CNTN2: variants seen among roughly 807,000 people sequenced by gnomAD.
CNTN2 encodes contactin-2.
Under a neutral mutation model 117.5 loss-of-function variants are expected in CNTN2, and 53 were observed. The ratio of observed to expected loss-of-function variants is 0.45; its 90% CI spans 0.36 to 0.57. The LOEUF (loss-of-function observed/expected upper bound fraction) is 0.57. Ranked by LOEUF, CNTN2 falls within the 20% of genes least tolerant of loss-of-function variation. CNTN2 has a pLI of 0.00. For synonymous variants in CNTN2, 530 were observed against 561.7 expected, an observed-to-expected ratio of 0.94 and a Z score of 0.80; for missense variants, 1,106 against 1,404.3, an observed-to-expected ratio of 0.79 and a Z score of 3.39.
intron 2 of CNTN2, 76 bp from the exon 3 acceptor site, chr1:205,057,845 T>C: frequency 6.6e-7 from 1 of 1,522,536 alleles, no homozygotes; most frequent in Non-Finnish European, 8.9e-7. Context: ...AAAGTTTTAC[T>C]GGACAGCACA....
chr1:205,055,555 T>C (rs2096459659), intron 2 of CNTN2, among the ~76,000 whole-genome samples: 1 of 152,142 alleles, frequency 6.6e-6, no homozygotes, highest in Non-Finnish European at 1.5e-5. Context: ...CCCAGGGGCA[T>C]TTTCTAAGAC....
At position 205,064,378 on chromosome 1, in the gene CNTN2, G is replaced by C. The variant is rs571201763; in HGVS notation, c.1297G>C (p.Gly433Arg). The change falls in exon 11 of 23, where the codon GGG (glycine) becomes CGG (arginine). Residue 433 changes from glycine to arginine, a missense_variant. Physicochemically the swap from Gly to Arg is moderately radical, Grantham distance 125. Transcript: ENST00000331830. ...GAGGCGTCTGATCCCCGCGGCCCGC[G>C]GGGGAGAGATCCTTATCCCCTGCCA... ...PVRRLIPAARGGEILIPCQPR... is the reference protein window; with the variant it reads ...PVRRLIPAARRGEILIPCQPR... 4 of 1,609,600 alleles carry C rather than the reference G, an allele frequency of 2.5e-6. No homozygotes were observed. Among genetic ancestry groups the C allele is most frequent in the Middle Eastern group, 1.7e-4 (1 of 6,044 alleles).
chr1:205,052,104 G>A (rs944931708), intron 1 of CNTN2, among the ~76,000 whole-genome samples: 20 of 152,222 alleles, frequency 1.3e-4, no homozygotes, highest in African/African-American at 3.9e-4. Flanking sequence ...TTAAGTTTCC[G>A]CAAAGAGGGC....
At chr1:205,070,299 T>C in intron 18 of CNTN2, 127 bp from the exon 19 acceptor site, 1 of 724,416 alleles carries the variant, frequency 1.4e-6, no homozygotes. Flanking sequence ...CTTGGGGGGC[T>C]CCCACTCGGC....
chr1:205,056,775 G>A (rs1653655624), intron 2 of CNTN2, among the ~76,000 whole-genome samples: 1 of 152,132 alleles, frequency 6.6e-6, no homozygotes, highest in South Asian at 2.1e-4. Context: ...CCCCAGCCCT[G>A]TCGAAGGGCA....
In CNTN2 at chr1:205,072,587, G is replaced by A. The variant is rs1574663350; in HGVS notation, c.2836G>A (p.Gly946Ser). 29 of 1,609,510 alleles carry A rather than the reference G, an allele frequency of 1.8e-5. No homozygotes were observed. Among genetic ancestry groups the A allele is most frequent in the East Asian group, 6.7e-5 (3 of 44,866 alleles). Residue 946 changes from glycine (G) to serine (S), a missense_variant, in exon 21 of 23, where the codon GGC becomes AGC. By Grantham distance (56) the Gly-to-Ser change is moderately conservative. Transcript: ENST00000331830. ...VPFRNESAVT[G>S]YKMLYQNDLH... ...TTTCCGAAATGAGTCTGCAGTCACC[G>A]GCTATAAGGTGAGGAAGCAATCAGC... is the stretch of plus-strand genomic sequence containing the variant.
chr1:205,052,312 T>A (rs1277574415), intron 1 of CNTN2, among the ~76,000 whole-genome samples: 1 of 152,082 alleles, frequency 6.6e-6, no homozygotes, highest in Non-Finnish European at 1.5e-5. Flanking sequence ...CGCCCTCACC[T>A]CCCAAGAGAA....
chr1:205,060,871 G>A (rs762400137), intron 7 of CNTN2: 8 of 212,216 alleles, frequency 3.8e-5, no homozygotes, highest in East Asian at 1.1e-4. Flanking sequence ...TAGAGGCAAC[G>A]GAAAAGAGAA....
rs762136129 is a variant in CNTN2 at position 205,072,085 on chromosome 1, G to A, written c.2683G>A (p.Gly895Ser). Residue 895 changes from glycine to serine, a missense_variant, in exon 20 of 23, where the codon GGC becomes AGC. By Grantham distance (56) the Gly-to-Ser change is moderately conservative (BLOSUM62 0). Coordinates refer to ENST00000331830, the MANE Select transcript of CNTN2 (RefSeq NM_005076.5). ...HVTVRAYNRA[G>S]TGPASPSANA... Reference sequence around the variant, plus strand: ...GACCGTGAGGGCCTACAACCGGGCTGGCACTGGGCCTGCCAGCCCTTCTGC... The same window carrying A: ...GACCGTGAGGGCCTACAACCGGGCTAGCACTGGGCCTGCCAGCCCTTCTGC... 4.3e-5 allele frequency: 69 copies of A among 1,613,698 alleles called. No individual in the cohort carries two copies. Among genetic ancestry groups the A allele is most frequent in the Non-Finnish European group, 2.5e-6 (3 of 1,179,980 alleles).
chr1:205,062,338 G>A, intron 9 of CNTN2, 102 bp from the exon 10 acceptor site: 1 of 1,426,056 alleles, frequency 7.0e-7, no homozygotes, highest in East Asian at 2.3e-5. Flanking sequence ...ATCCTCTAGG[G>A]ATTATCAGCC....
rs1415906808 is a variant in CNTN2, at chr1:205,053,193, C to G, written c.8C>G (p.Thr3Arg). MG[T>R]ATRRKPHLLL... ...TCTGCCCGGACATCCACCATGGGGA[C>G]AGCCACCAGGAGGAAGCCACACCTG... The change falls in exon 2 of 23, where the codon ACA (threonine) becomes AGA (arginine). Residue 3 changes from threonine (T) to arginine (R), a missense_variant. Transcript: ENST00000331830. 6.2e-7 allele frequency: 1 copy of G among 1,612,448 alleles called. No homozygotes were observed. Among genetic ancestry groups the G allele is most frequent in the Non-Finnish European group, 8.5e-7 (1 of 1,179,294 alleles).
chr1:205,048,093 T>C lies in CNTN2; in HGVS notation c.-87+4699T>C, dbSNP rs2096444889. Among the ~76,000 whole-genome samples the C allele has an allele frequency of 1.3e-5, 2 of 152,154 alleles. No homozygotes were observed. Among genetic ancestry groups the C allele is most frequent in the African/African-American group, 4.8e-5 (2 of 41,420 alleles). ...GCTCCTCAAGTACTTTGTAGGCTGA[T>C]AATAAATCACTTAGTCTCTGCCCAC... On this transcript the variant is annotated intron_variant, in intron 1 of 22. Coordinates refer to ENST00000331830, the MANE Select transcript of CNTN2 (RefSeq NM_005076.5). This position sits in a 1 kb window ranked among gnomAD's most constrained non-coding sequence, Gnocchi z 4.1.
At chr1:205,054,850 T>C (rs2096458506) in intron 2 of CNTN2, among the ~76,000 whole-genome samples, 2 of 152,132 alleles carry the variant, frequency 1.3e-5, no homozygotes, top group Admixed American at 1.3e-4. Flanking sequence ...CACCTTCTCA[T>C]CTCTTTAACT....
chr1:205,062,852 T>C (rs1438375093), intron 10 of CNTN2: 1 of 221,206 alleles, frequency 4.5e-6, no homozygotes, highest in Non-Finnish European at 8.8e-6. Flanking sequence ...CAATCAGATT[T>C]GTGTAACCCA....
chr1:205,059,744 G>A lies in CNTN2; in HGVS notation c.797+62G>A, dbSNP rs1035344652. On this transcript the variant is annotated intron_variant, in intron 7 of 22. Transcript: ENST00000331830. The surrounding 1 kb of genome is among the most constrained non-coding windows in gnomAD (Gnocchi z 5.6). ...TCTCGGGGGCACAGGTGACCCCAGG[G>A]TGAGGGCAGGCAGAGTCAGGGCTCT... The A allele has an allele frequency of 1.5e-6, 2 of 1,377,874 alleles. No homozygotes were observed. The highest frequency in any genetic ancestry group is 1.2e-5 in the South Asian group (1 of 86,612). The allele number at this position is 1,377,874 out of a possible 1,614,324, so 85.4% of individuals were successfully genotyped here. A position where few individuals can be genotyped will look rare whatever the true frequency, so the allele number is the denominator to read the frequency against.
intron 1 of CNTN2, among the ~76,000 whole-genome samples, chr1:205,051,221 C>T (rs1359364118): frequency 3.3e-5 from 5 of 152,246 alleles, no homozygotes; most frequent in African/African-American, 1.2e-4. Context: ...ACAACACAAT[C>T]TCTCCCCTGG....
chr1:205,073,358 C>A lies in CNTN2; in HGVS notation c.3013+122C>A. 1 of 1,261,150 alleles carries A rather than the reference C, an allele frequency of 7.9e-7. No homozygotes were observed. The highest frequency in any genetic ancestry group is 1.1e-6 in the Non-Finnish European group (1 of 908,842). The allele number at this position is 1,261,150 out of a possible 1,614,324, so 78.1% of individuals were successfully genotyped here. A position where few individuals can be genotyped will look rare whatever the true frequency, so the allele number is the denominator to read the frequency against. ...CCCGCAAAGGAAAGTGGAAGGCAGG[C>A]AGGAACCAAGTGCAAAGTAGTCTTA... On this transcript the variant is annotated intron_variant, in intron 22 of 22. Coordinates refer to ENST00000331830, the MANE Select transcript of CNTN2 (RefSeq NM_005076.5). This position sits in a 1 kb window ranked among gnomAD's most constrained non-coding sequence, Gnocchi z 6.3.
At position 205,065,249 on chromosome 1, in the gene CNTN2, G is replaced by A. The variant is rs776894509; in HGVS notation, c.1682G>A (p.Arg561Gln). Residue 561 changes from arginine (R) to glutamine (Q), a missense_variant, in exon 13 of 23, where the codon CGG becomes CAG. Coordinates refer to ENST00000331830, the MANE Select transcript of CNTN2 (RefSeq NM_005076.5). The surrounding 1 kb of genome is among the most constrained non-coding windows in gnomAD (Gnocchi z 4.1). The part of the protein sequence containing the change: ...IDFDKPGGHY[R>Q]RTNVKETIGD... Reference sequence around the variant, plus strand: ...TTTGATAAGCCTGGAGGGCACTACCGGAGAACTAATGTGGTGAGACCTAGG... The same window carrying A: ...TTTGATAAGCCTGGAGGGCACTACCAGAGAACTAATGTGGTGAGACCTAGG... 1.2e-5 allele frequency: 20 copies of A among 1,613,968 alleles called. No individual in the cohort carries two copies. Among genetic ancestry groups the A allele is most frequent in the Middle Eastern group, 1.6e-4 (1 of 6,084 alleles).
chr1:205,073,847 C>T lies in CNTN2; in HGVS notation c.*82C>T. 1 of 1,160,080 alleles carries T rather than the reference C, an allele frequency of 8.6e-7. No homozygotes were observed. The allele number at this position is 1,160,080 out of a possible 1,614,324, so 71.9% of individuals were successfully genotyped here. The stretch of plus-strand genomic sequence containing the variant: ...AGCCCCTTCCTGCTGCCAAGGTGGC[C>T]TGACACTGTGCCAGAGAGTGGCTGG... On this transcript the variant is annotated 3_prime_UTR_variant, in exon 23 of 23. Coordinates refer to ENST00000331830, the MANE Select transcript of CNTN2 (RefSeq NM_005076.5). This position sits in a 1 kb window ranked among gnomAD's most constrained non-coding sequence, Gnocchi z 6.3.
Sources: gnomAD v4.1 joint callset for allele counts (sites outside exome capture counted in the v4.1 genomes callset) on GRCh38, gnomAD v4.1.1 for gene constraint, Gnocchi (gnomAD v3.1) non-coding constraint, MANE v1.5 for transcripts, NCBI Gene and HGNC (gene_info 2026-07-23, HGNC 2026-07-21) for gene names.